The following MAP3K2 variants were observed in gnomAD, a reference collection of about 807,000 sequenced individuals.
MAP3K2 encodes the protein mitogen-activated protein kinase kinase kinase 2.
A neutral mutation model predicts 80.3 loss-of-function variants in MAP3K2; 24 were observed. The observed-to-expected ratio is 0.30, with a 90% CI of 0.22 to 0.42. MAP3K2 has a LOEUF of 0.42. Ranked by LOEUF, MAP3K2 falls within the 10% of genes least tolerant of loss-of-function variation. The pLI is 1.00. For missense variants in MAP3K2, 608 were observed against 750.1 expected (o/e 0.81, Z 2.21); for synonymous variants, 244 against 253.7 (o/e 0.96, Z 0.36).
chr2:127,321,999 G>C lies in MAP3K2; in HGVS notation c.1045+47C>G. ...ATTCCTTTTAATAATATAAAATTCT[G>C]CAAAGATTCTGCTCTACATTTCACT... is the stretch of plus-strand genomic sequence containing the variant. On this transcript the variant is annotated intron_variant, in intron 12 of 16. Transcript: ENST00000682094. This position sits in a 1 kb window ranked among gnomAD's most constrained non-coding sequence, Gnocchi z 4.4. The C allele has an allele frequency of 6.7e-7, 1 of 1,489,432 alleles. No homozygotes were observed. Among genetic ancestry groups the C allele is most frequent in the Non-Finnish European group, 9.2e-7 (1 of 1,084,002 alleles). The allele number at this position is 1,489,432 out of a possible 1,614,324, so 92.3% of individuals were successfully genotyped here. A position where few individuals can be genotyped will look rare whatever the true frequency, so the allele number is the denominator to read the frequency against.
intron 7 of MAP3K2, 42 bp downstream of exon 7, chr2:127,329,879 T>C: frequency 8.9e-7 from 1 of 1,124,934 alleles, no homozygotes. Flanking sequence ...GAGAAGAAAT[T>C]GAGAAATCAT....
chr2:127,308,789 A>G, intron 15 of MAP3K2, 27 bp from the exon 16 acceptor site: 4 of 1,600,686 alleles, frequency 2.5e-6, no homozygotes, highest in Non-Finnish European at 3.4e-6. Flanking sequence ...GCCTCATTTC[A>G]TTAATTTTAT....
chr2:127,341,267 G>A (rs1240324370), intron 2 of MAP3K2, among the ~76,000 whole-genome samples: 1 of 151,966 alleles, frequency 6.6e-6, no homozygotes, highest in African/African-American at 2.4e-5. Context: ...GGGATTACAG[G>A]TGTGAGCCAC....
Position 127,338,920 on chromosome 2 carries a change from T to C in MAP3K2, c.123+12A>G, listed in dbSNP as rs1686425292. On this transcript the variant is annotated intron_variant, in intron 3 of 16. Coordinates refer to ENST00000682094, the MANE Select transcript of MAP3K2 (RefSeq NM_001371910.2). ...AAGTAATTCATAAAAAAATACTTAT[T>C]AAAATAAATACCTGTTTTTTTGGTG... The C allele has an allele frequency of 1.3e-6, 2 of 1,525,376 alleles. No individual in the cohort carries two copies. The highest frequency in any genetic ancestry group is 8.9e-7 in the Non-Finnish European group (1 of 1,118,744). The allele number at this position is 1,525,376 out of a possible 1,614,324, so 94.5% of individuals were successfully genotyped here.
chr2:127,329,912 G>A lies in MAP3K2; in HGVS notation c.466+9C>T, dbSNP rs930710481. 3.4e-6 allele frequency: 5 copies of A among 1,492,196 alleles called. No homozygotes were observed. The highest frequency in any genetic ancestry group is 4.7e-6 in the Non-Finnish European group (5 of 1,071,514). The allele number at this position is 1,492,196 out of a possible 1,614,324, so 92.4% of individuals were successfully genotyped here. A position where few individuals can be genotyped will look rare whatever the true frequency, so the allele number is the denominator to read the frequency against. On this transcript the variant is annotated intron_variant, in intron 7 of 16. Coordinates refer to ENST00000682094, the MANE Select transcript of MAP3K2 (RefSeq NM_001371910.2). ...CATTCATTTCATAATTCAGACACTAGTTTCTTACCTATTATAGATAGCCGT... is the reference window on the plus strand; with the variant it reads ...CATTCATTTCATAATTCAGACACTAATTTCTTACCTATTATAGATAGCCGT...
chr2:127,301,983 A>T lies in MAP3K2; in HGVS notation c.*5596T>A, dbSNP rs1443889703. 6.6e-6 allele frequency: 1 copy of T among 152,176 alleles called. No individual in the cohort carries two copies. Among genetic ancestry groups the T allele is most frequent in the East Asian group, 1.9e-4 (1 of 5,202 alleles). The allele number at this position is 152,176 out of a possible 1,614,324, so 9.4% of individuals were successfully genotyped here. A position where few individuals can be genotyped will look rare whatever the true frequency, so the allele number is the denominator to read the frequency against. ...CAGAAGTCAAAGCCAAGCCAAAGAC[A>T]ACTATAAGTAGGAATAGCTGCTTCA... On this transcript the variant is annotated 3_prime_UTR_variant, in exon 17 of 17. Transcript: ENST00000682094.
At chr2:127,341,606 CACT>C (rs1181477799) in intron 2 of MAP3K2, among the ~76,000 whole-genome samples, 2 of 143,530 alleles carry the variant, frequency 1.4e-5, no homozygotes, top group African/African-American at 2.6e-5. Context: ...GATCTCGGCT[CACT>C]ACAAGATCCG....
chr2:127,328,698 C>T (rs72845975), intron 7 of MAP3K2, among the ~76,000 whole-genome samples: 37,395 of 152,148 alleles, frequency 0.25, 4,822 homozygotes, highest in Middle Eastern at 0.31. Flanking sequence ...TTAAGACAGA[C>T]ACTTCGAAGA....
intron 5 of MAP3K2, among the ~76,000 whole-genome samples, chr2:127,334,574 T>C (rs1213351776): frequency 6.6e-6 from 1 of 152,030 alleles, no homozygotes; most frequent in Non-Finnish European, 1.5e-5. Flanking sequence ...GCCTCCCGAA[T>C]AGCTGGGACT....
rs932575666 is a variant in MAP3K2, at chr2:127,298,955, A to T, written c.*8624T>A. 8.7e-5 allele frequency: 13 copies of T among 149,708 alleles called. No individual in the cohort carries two copies. Among genetic ancestry groups the T allele is most frequent in the African/African-American group, 2.9e-4 (12 of 41,340 alleles). 9.3% of individuals were successfully genotyped at this position (149,708 alleles called of 1,614,324 possible). On this transcript the variant is annotated 3_prime_UTR_variant, in exon 17 of 17. Transcript: ENST00000682094. ...TTCTTTTATATTAGATTTTTTTTTA[A>T]AAAAAAGCTATTTACCAGCAAGAAA... is the stretch of plus-strand genomic sequence containing the variant.
chr2:127,382,170 T>C (rs1312553446), intron 1 of MAP3K2, among the ~76,000 whole-genome samples: 1 of 152,210 alleles, frequency 6.6e-6, no homozygotes, highest in African/African-American at 2.4e-5. Flanking sequence ...AATATGGATA[T>C]ATATTAGAGT....
At chr2:127,342,697 T>TAC (rs1237339889) in intron 2 of MAP3K2, among the ~76,000 whole-genome samples, 5 of 126,798 alleles carry the variant, frequency 3.9e-5, no homozygotes, top group Admixed American at 8.1e-5. Context: ...AAACAAAATA[T>TAC]GTAAACTGAA....
Position 127,317,609 on chromosome 2 carries a change from A to G in MAP3K2, c.1326+20T>C, listed in dbSNP as rs1685931607. 6.6e-7 allele frequency: 1 copy of G among 1,512,166 alleles called. No homozygotes were observed. The highest frequency in any genetic ancestry group is 1.4e-5 in the African/African-American group (1 of 70,772). The allele number at this position is 1,512,166 out of a possible 1,614,324, so 93.7% of individuals were successfully genotyped here. On this transcript the variant is annotated intron_variant, in intron 14 of 16. Coordinates refer to ENST00000682094, the MANE Select transcript of MAP3K2 (RefSeq NM_001371910.2). ...AATTTTAAATAGAATGTGTATTTTC[A>G]AAAAGATGTACTAACTTACCCCTGG... is the stretch of plus-strand genomic sequence containing the variant.
At chr2:127,351,827 C>G (rs1686696202) in intron 1 of MAP3K2, among the ~76,000 whole-genome samples, 1 of 151,948 alleles carries the variant, frequency 6.6e-6, no homozygotes, top group Non-Finnish European at 1.5e-5. Context: ...AAAGTCCTTG[C>G]CATGGCTTAC....
intron 1 of MAP3K2, among the ~76,000 whole-genome samples, chr2:127,349,531 T>C (rs1054886237): frequency 8.5e-5 from 13 of 152,234 alleles, no homozygotes; most frequent in Admixed American, 5.2e-4. Context: ...CCTCAGTTTT[T>C]AGGACTTTTA....
intron 4 of MAP3K2, among the ~76,000 whole-genome samples, chr2:127,337,320 G>A (rs887814301): frequency 4.6e-5 from 7 of 152,078 alleles, no homozygotes; most frequent in African/African-American, 7.2e-5. Context: ...CATTACTAAT[G>A]ACGTAAATGT....
At chr2:127,366,289 T>C (rs1004457260) in intron 1 of MAP3K2, among the ~76,000 whole-genome samples, 1 of 151,452 alleles carries the variant, frequency 6.6e-6, no homozygotes, top group Non-Finnish European at 1.5e-5. Context: ...CGTGTATGCC[T>C]GCAGCCCCAG....
In MAP3K2 at chr2:127,335,857, T is replaced by C. The variant is rs1686358256; in HGVS notation, c.264+13A>G. On this transcript the variant is annotated intron_variant, in intron 5 of 16. Coordinates refer to ENST00000682094, the MANE Select transcript of MAP3K2 (RefSeq NM_001371910.2). ...AAGGTAAGATCTACTAAAGTTAAAC[T>C]GTACATGTTTACCTCGTTATTGGTA... 18 of 1,435,026 alleles carry C rather than the reference T, an allele frequency of 1.3e-5. No individual in the cohort carries two copies. The highest frequency in any genetic ancestry group is 1.5e-5 in the Non-Finnish European group (16 of 1,042,040). 88.9% of individuals were successfully genotyped at this position (1,435,026 alleles called of 1,614,324 possible). A position where few individuals can be genotyped will look rare whatever the true frequency, so the allele number is the denominator to read the frequency against.
intron 1 of MAP3K2, among the ~76,000 whole-genome samples, chr2:127,351,474 C>A (rs1159296873): frequency 6.6e-6 from 1 of 152,098 alleles, no homozygotes; most frequent in Non-Finnish European, 1.5e-5. Flanking sequence ...ATCTATTCTT[C>A]TCCAGTCTTA....
Sources: allele counts gnomAD v4.1 joint callset (sites outside exome capture counted in the v4.1 genomes callset), GRCh38; gene constraint gnomAD v4.1.1; non-coding constraint Gnocchi (gnomAD v3.1); transcripts MANE v1.5; gene names NCBI Gene and HGNC (gene_info 2026-07-23, HGNC 2026-07-21).